The following GLB1L3 variants were observed in gnomAD, a reference collection of about 807,000 sequenced individuals.
The protein encoded by GLB1L3 is beta-galactosidase-1-like protein 3.
GLB1L3 carries 89 observed loss-of-function variants against 89.5 expected under a neutral mutation model. The ratio of observed to expected loss-of-function variants is 0.99; its 90% CI spans 0.84 to 1.19. GLB1L3 has a LOEUF of 1.19. Among genes scored for constraint, GLB1L3 ranks in the 50% most tolerant of loss-of-function variants. The probability of loss-of-function intolerance (pLI) is 0.00; values close to 1 mark genes in which losing one functional copy is unlikely to be tolerated. For missense variants in GLB1L3, 812 were observed against 813.3 expected, an observed-to-expected ratio of 1.00 and a Z score of 0.02; for synonymous variants, 314 against 312.3, an observed-to-expected ratio of 1.01 and a Z score of -0.06.
In GLB1L3 at chr11:134,276,763, G is replaced by T; in HGVS notation, c.23G>T (p.Ser8Ile). The T allele has an allele frequency of 6.9e-7, 1 of 1,446,046 alleles. No individual in the cohort carries two copies. Among genetic ancestry groups the T allele is most frequent in the South Asian group, 1.4e-5 (1 of 73,700 alleles). 89.6% of individuals were successfully genotyped at this position (1,446,046 alleles called of 1,614,324 possible). A position where few individuals can be genotyped will look rare whatever the true frequency, so the allele number is the denominator to read the frequency against. MKSPPLL[S>I]PCLSWKRMAG... ...GCGATGAAGTCCCCGCCCCTCCTCAGGTGACGGATCGCCGCTGCCGTCCCG... is the reference window on the plus strand; with the variant it reads ...GCGATGAAGTCCCCGCCCCTCCTCATGTGACGGATCGCCGCTGCCGTCCCG... Residue 8 changes from serine to isoleucine, a missense_variant and splice_region_variant, in exon 1 of 20, where the codon AGC becomes ATC. Transcript: ENST00000431683.
chr11:134,315,732 T>C (rs1441637880), intron 18 of GLB1L3, among the ~76,000 whole-genome samples: 2 of 152,200 alleles, frequency 1.3e-5, no homozygotes, highest in African/African-American at 4.8e-5. Flanking sequence ...TTGTTCAAAG[T>C]ACAGTGTTTG....
At position 134,288,818 on chromosome 11, in the gene GLB1L3, C is replaced by T. The variant is rs200057011; in HGVS notation, c.657C>T (p.Val219=). The T allele has an allele frequency of 3.6e-5, 58 of 1,613,150 alleles. No individual in the cohort carries two copies. The highest frequency in any genetic ancestry group is 1.6e-4 in the Middle Eastern group (1 of 6,078). Reference sequence around the variant, plus strand: ...CTCAGTACCGCCAGGCAGGCCCTGTCATCGCGGTGCAAGTGGAGAATGAGT... The same window carrying T: ...CTCAGTACCGCCAGGCAGGCCCTGTTATCGCGGTGCAAGTGGAGAATGAGT... ...IPLQYRQAGP[V]IAVQVENEYG... Residue 219 remains valine (V), a synonymous_variant, in exon 7 of 20, where the codon GTC becomes GTT. Transcript: ENST00000431683.
At chr11:134,320,675 C>G (rs944980241), downstream of GLB1L3, among the ~76,000 whole-genome samples, 2 of 151,220 alleles carry the variant, frequency 1.3e-5, no homozygotes, top group Admixed American at 6.6e-5. Flanking sequence ...TTTCAGTGCA[C>G]TTAGAGAAAA....
At chr11:134,286,985 CCCGT>C (rs1941037236) in intron 6 of GLB1L3, 1 of 150,498 alleles carries the variant, frequency 6.6e-6, no homozygotes, top group Non-Finnish European at 1.5e-5. Flanking sequence ...ACGGTGAAAC[CCCGT>C]CTCTACTAAA....
At position 134,309,628 on chromosome 11, in the gene GLB1L3, G is replaced by T. The variant is rs1942623466; in HGVS notation, c.964G>T (p.Val322Phe). Residue 322 changes from valine to phenylalanine, a missense_variant and splice_region_variant, in exon 11 of 20, where the codon GTT (valine) becomes TTT (phenylalanine). Val to Phe is a conservative substitution (Grantham distance 50). Coordinates refer to ENST00000431683, the MANE Select transcript of GLB1L3 (RefSeq NM_001080407.3). ...TGTTCTCATGTTCCCCTTTGCAGAGGTTGAACATGCTGTGTCTGAATTCAT... is the reference window on the plus strand; with the variant it reads ...TGTTCTCATGTTCCCCTTTGCAGAGTTTGAACATGCTGTGTCTGAATTCAT... Reference protein sequence around the residue: ...DKHHVKDAKEVEHAVSEFIKY... With the variant: ...DKHHVKDAKEFEHAVSEFIKY... 1 of 1,598,198 alleles carries T rather than the reference G, an allele frequency of 6.3e-7. No individual in the cohort carries two copies. The highest frequency in any genetic ancestry group is 8.6e-7 in the Non-Finnish European group (1 of 1,169,304).
intron 9 of GLB1L3, among the ~76,000 whole-genome samples, chr11:134,294,322 C>A (rs564946851): frequency 1.8e-4 from 27 of 152,260 alleles, no homozygotes; most frequent in Middle Eastern, 6.8e-3. Context: ...CCCACCTTGG[C>A]CTCCCAAAGT....
In GLB1L3 at chr11:134,283,733, C is replaced by T. The variant is rs1261530341; in HGVS notation, c.528-4C>T. The T allele has an allele frequency of 3.8e-6, 6 of 1,595,658 alleles. 2 individuals carry two copies. In the South Asian group the frequency reaches 5.6e-5, roughly 15 times the overall value. ...GACCCTGAGCCCGCCCCTCTTGCCC[C>T]CAGCTGGCTCCTGCAAGACCCCCGG... is the stretch of plus-strand genomic sequence containing the variant. On this transcript the variant is annotated splice_region_variant and splice_polypyrimidine_tract_variant and intron_variant, in intron 5 of 19. Coordinates refer to ENST00000431683, the MANE Select transcript of GLB1L3 (RefSeq NM_001080407.3).
At position 134,319,048 on chromosome 11, in the gene GLB1L3, G is replaced by A. The variant is rs1291234127; in HGVS notation, c.*106G>A. On this transcript the variant is annotated 3_prime_UTR_variant, in exon 20 of 20. Transcript: ENST00000431683. ...CTGCTCACTGCAAGCTCAGCCTCTCGGGTTCACGCCATTCTCCTGCCTCAG... is the reference window on the plus strand; with the variant it reads ...CTGCTCACTGCAAGCTCAGCCTCTCAGGTTCACGCCATTCTCCTGCCTCAG... 14 of 783,112 alleles carry A rather than the reference G, an allele frequency of 1.8e-5. No individual in the cohort carries two copies. Among genetic ancestry groups the A allele is most frequent in the Middle Eastern group, 3.7e-4 (1 of 2,720 alleles). 48.5% of individuals were successfully genotyped at this position (783,112 alleles called of 1,614,324 possible). A position where few individuals can be genotyped will look rare whatever the true frequency, so the allele number is the denominator to read the frequency against.
chr11:134,314,839 C>T (rs1250519278), intron 18 of GLB1L3, among the ~76,000 whole-genome samples: 5 of 152,232 alleles, frequency 3.3e-5, no homozygotes, highest in Non-Finnish European at 5.9e-5. Flanking sequence ...CTGAAGCTTG[C>T]CTTTTTTTTC....
intron 6 of GLB1L3, among the ~76,000 whole-genome samples, chr11:134,284,196 A>C (rs143899882): frequency 6.6e-6 from 1 of 152,282 alleles, no homozygotes; most frequent in East Asian, 1.9e-4. Flanking sequence ...GGTCAGATAA[A>C]AATCTCACCT....
intron 6 of GLB1L3, among the ~76,000 whole-genome samples, chr11:134,285,377 T>C (rs1051248588): frequency 6.6e-6 from 1 of 152,174 alleles, no homozygotes; most frequent in Non-Finnish European, 1.5e-5. Flanking sequence ...TGTTTGATCA[T>C]TGTAATTTTT....
chr11:134,316,395 A>G (rs1942979666), intron 18 of GLB1L3, among the ~76,000 whole-genome samples: 1 of 152,180 alleles, frequency 6.6e-6, no homozygotes, highest in African/African-American at 2.4e-5. Context: ...CAGAAAAAAT[A>G]AGTTGTAAGA....
At chr11:134,298,671 C>T (rs558713327) in intron 9 of GLB1L3, among the ~76,000 whole-genome samples, 2 of 152,258 alleles carry the variant, frequency 1.3e-5, no homozygotes, top group East Asian at 3.9e-4. Flanking sequence ...TTTTCATTTT[C>T]TCTTGCTGCT....
At chr11:134,310,331 T>G (rs1378107443) in intron 11 of GLB1L3, 2 of 532,922 alleles carry the variant, frequency 3.8e-6, no homozygotes, top group Admixed American at 3.1e-5. Flanking sequence ...CAAGTTTGCA[T>G]TAGAAAGTGA....
At chr11:134,316,850 C>G (rs1010728498) in intron 18 of GLB1L3, 4 of 152,218 alleles carry the variant, frequency 2.6e-5, no homozygotes, top group African/African-American at 9.7e-5. Flanking sequence ...TTCACAAGCA[C>G]TTGCCCATAA....
chr11:134,277,420 A>G lies in GLB1L3; in HGVS notation c.118A>G (p.Met40Val), dbSNP rs199729217. Reference sequence around the variant, plus strand: ...TCGGTTTAAGCAGGAAGAGAACTTCATGCTTGGAAGAGCGCATCCGTCCCA... The same window carrying G: ...TCGGTTTAAGCAGGAAGAGAACTTCGTGCTTGGAAGAGCGCATCCGTCCCA... ...APRFKQEENF[M>V]LGRAHPSQPR... Residue 40 changes from methionine (M) to valine (V), a missense_variant, in exon 2 of 20, where the codon ATG (methionine) becomes GTG (valine). Met to Val is a conservative substitution (Grantham distance 21). Coordinates refer to ENST00000431683, the MANE Select transcript of GLB1L3 (RefSeq NM_001080407.3). The G allele has an allele frequency of 6.8e-6, 11 of 1,613,716 alleles. No homozygotes were observed. Among genetic ancestry groups the G allele is most frequent in the Middle Eastern group, 1.6e-4 (1 of 6,084 alleles).
chr11:134,277,183 G>A (rs1565384592), intron 1 of GLB1L3, 143 bp from the exon 2 acceptor site: 1 of 1,017,330 alleles, frequency 9.8e-7, no homozygotes, highest in African/African-American at 1.6e-5. Flanking sequence ...TCCTGGCCCT[G>A]GGCCCGCCTG....
Position 134,277,173 on chromosome 11 carries a change from T to TCCTGGC in GLB1L3, c.24-147_24-142dup, listed in dbSNP as rs777980620. The TCCTGGC allele has an allele frequency of 2.4e-5, 22 of 907,410 alleles. No individual in the cohort carries two copies. The South Asian group carries it at 2.9e-4, about 12-fold the overall frequency. 56.2% of individuals were successfully genotyped at this position (907,410 alleles called of 1,614,324 possible). On this transcript the variant is annotated intron_variant, in intron 1 of 19. Transcript: ENST00000431683. ...GGACTGGCCGGGTGATGCCGCGCTG[T>TCCTGGC]CCTGGCCCTGGGCCCGCCTGGAAGA... is the stretch of plus-strand genomic sequence containing the variant.
In GLB1L3 at chr11:134,276,776, C is replaced by T; in HGVS notation, c.23+13C>T. On this transcript the variant is annotated intron_variant, in intron 1 of 19. Transcript: ENST00000431683. Reference sequence around the variant, plus strand: ...CGCCCCTCCTCAGGTGACGGATCGCCGCTGCCGTCCCGGGCTGCCCACCAC... The same window carrying T: ...CGCCCCTCCTCAGGTGACGGATCGCTGCTGCCGTCCCGGGCTGCCCACCAC... The T allele has an allele frequency of 1.4e-6, 2 of 1,436,626 alleles. No homozygotes were observed. The highest frequency in any genetic ancestry group is 1.8e-6 in the Non-Finnish European group (2 of 1,095,124). The allele number at this position is 1,436,626 out of a possible 1,614,324, so 89.0% of individuals were successfully genotyped here. A position where few individuals can be genotyped will look rare whatever the true frequency, so the allele number is the denominator to read the frequency against.
Sources: allele counts gnomAD v4.1 joint callset (sites outside exome capture counted in the v4.1 genomes callset), GRCh38; gene constraint gnomAD v4.1.1; transcripts MANE v1.5; gene names NCBI Gene and HGNC (gene_info 2026-07-23, HGNC 2026-07-21).